The following LLGL2 variants were observed in gnomAD, a reference collection of about 807,000 sequenced individuals.
LLGL2 encodes LLGL scribble cell polarity complex component 2, also known as LLGL2, scribble cell polarity complex component.
LLGL2 carries 81 observed loss-of-function variants against 123.2 expected under a neutral mutation model. The observed-to-expected ratio is 0.66, with a 90% CI of 0.55 to 0.79. LLGL2 has a LOEUF of 0.79. LLGL2 is among the 30% of genes least tolerant of loss of function. LLGL2 has a pLI of 0.00. For synonymous variants in LLGL2, 577 were observed against 594.1 expected, an observed-to-expected ratio of 0.97 and a Z score of 0.42; for missense variants, 1,273 against 1,414.6, an observed-to-expected ratio of 0.90 and a Z score of 1.61.
In LLGL2 at chr17:75,570,156, C is replaced by T; in HGVS notation, c.1775C>T (p.Thr592Ile). The T allele has an allele frequency of 6.3e-7, 1 of 1,591,206 alleles. No individual in the cohort carries two copies. The highest frequency in any genetic ancestry group is 8.6e-7 in the Non-Finnish European group (1 of 1,169,580). ...LVQCQPPAVVTSLALHSEWRL... is the reference protein window; with the variant it reads ...LVQCQPPAVVISLALHSEWRL... ...CAGTGTCAGCCCCCGGCTGTGGTCA[C>T]CTCCTTGGCCCTGCACTCTGAGTGG... The change falls in exon 15 of 26, where the codon ACC becomes ATC. Residue 592 changes from threonine to isoleucine, a missense_variant. Coordinates refer to ENST00000392550, the MANE Select transcript of LLGL2 (RefSeq NM_001031803.2).
Position 75,558,483 on chromosome 17 carries a change from C to T in LLGL2, c.256-29C>T. ...AAAGGCCTTGCCTGGGTAGCAAGAC[C>T]ACATGATCCCGTCGTGTGCCCTCGC... On this transcript the variant is annotated intron_variant, in intron 4 of 25. Transcript: ENST00000392550. This position sits in a 1 kb window ranked among gnomAD's most constrained non-coding sequence, Gnocchi z 4.0. 1.9e-6 allele frequency: 3 copies of T among 1,544,668 alleles called. No homozygotes were observed. The highest frequency in any genetic ancestry group is 2.6e-6 in the Non-Finnish European group (3 of 1,138,496).
intron 21 of LLGL2, 130 bp downstream of exon 21, chr17:75,573,761 G>A (rs769628537): frequency 1.3e-4 from 159 of 1,224,760 alleles, no homozygotes; most frequent in Non-Finnish European, 8.4e-5. Flanking sequence ...CCCAGGCTCC[G>A]GCTCTCCTTG....
upstream of LLGL2, chr17:75,525,084 C>T (rs1238961159): frequency 2.0e-5 from 3 of 153,626 alleles, no homozygotes; most frequent in East Asian, 1.9e-4. This position sits in a 1 kb window ranked among gnomAD's most constrained non-coding sequence, Gnocchi z 4.8. Context: ...CGCGCCCTTT[C>T]CGCTCCCGCC....
At position 75,554,918 on chromosome 17, in the gene LLGL2, C is replaced by T. The variant is rs1028830409; in HGVS notation, c.76-1128C>T. ...AAAAAAAAAAATTTTTGGCTGGGTG[C>T]GGGTGGCTCACGCTTGTAATCCTAG... On this transcript the variant is annotated intron_variant, in intron 2 of 25. Transcript: ENST00000392550. 8.6e-5 allele frequency among the ~76,000 whole-genome samples: 12 copies of T among 139,988 alleles called. No homozygotes were observed. The East Asian group carries it at 1.6e-3, about 18-fold the overall frequency. The allele number at this position is 139,988 out of a possible 152,430, so 91.8% of individuals were successfully genotyped here.
chr17:75,563,139 A>G lies in LLGL2; in HGVS notation c.654A>G (p.Leu218=), dbSNP rs150850607. The G allele has an allele frequency of 8.9e-5, 143 of 1,613,042 alleles. No individual in the cohort carries two copies. The highest frequency in any genetic ancestry group is 1.2e-4 in the Non-Finnish European group (141 of 1,180,030). ...YSRGLVVIWD[L]QGSRVLYHFL... ...GAGGCCTCGTTGTCATCTGGGACCT[A>G]CAGGGCAGCCGCGTGCTCTACCACT... is the stretch of plus-strand genomic sequence containing the variant. Residue 218 remains leucine (L), a synonymous_variant, in exon 7 of 26, where the codon CTA becomes CTG. Coordinates refer to ENST00000392550, the MANE Select transcript of LLGL2 (RefSeq NM_001031803.2).
intron 1 of LLGL2, chr17:75,543,151 C>T (rs777663029): frequency 2.5e-4 from 74 of 297,216 alleles, no homozygotes; most frequent in Non-Finnish European, 4.1e-4. Flanking sequence ...GGCTTCCTCC[C>T]CCAGCTTTTC....
In LLGL2 at chr17:75,575,026, C is replaced by T. The variant is rs368103155; in HGVS notation, c.*148C>T. 6.1e-6 allele frequency: 7 copies of T among 1,139,622 alleles called. No individual in the cohort carries two copies. Among genetic ancestry groups the T allele is most frequent in the Admixed American group, 1.7e-5 (1 of 58,496 alleles). 70.6% of individuals were successfully genotyped at this position (1,139,622 alleles called of 1,614,324 possible). A position where few individuals can be genotyped will look rare whatever the true frequency, so the allele number is the denominator to read the frequency against. The stretch of plus-strand genomic sequence containing the variant: ...TCCACAATGCAGCTGCTCTGGGCCT[C>T]GGGAGAGGAGAGACCCCAGTCCCCT... On this transcript the variant is annotated 3_prime_UTR_variant, in exon 26 of 26. Coordinates refer to ENST00000392550, the MANE Select transcript of LLGL2 (RefSeq NM_001031803.2).
Position 75,564,241 on chromosome 17 carries a change from G to A in LLGL2, c.882-112G>A, listed in dbSNP as rs2055349853. ...AGCAGTTGGAAGGAGATGGGGTCCA[G>A]TCTCCCCTGCTCCTGGGGACCTTGA... On this transcript the variant is annotated intron_variant, in intron 9 of 25. Transcript: ENST00000392550. This position sits in a 1 kb window ranked among gnomAD's most constrained non-coding sequence, Gnocchi z 4.9. The A allele has an allele frequency of 2.0e-6, 3 of 1,507,260 alleles. No homozygotes were observed. The highest frequency in any genetic ancestry group is 2.8e-5 in the African/African-American group (2 of 72,412). 93.4% of individuals were successfully genotyped at this position (1,507,260 alleles called of 1,614,324 possible).
chr17:75,564,405 C>G lies in LLGL2; in HGVS notation c.934C>G (p.Arg312Gly), dbSNP rs750945305. Residue 312 changes from arginine (R) to glycine (G), a missense_variant, in exon 10 of 26, where the codon CGC becomes GGC. By Grantham distance (125) the Arg-to-Gly change is moderately radical. Transcript: ENST00000392550. This position sits in a 1 kb window ranked among gnomAD's most constrained non-coding sequence, Gnocchi z 4.9. ...CATGCCACGGGCCAGCTACGGGGACCGCCACTGCATCTCAGTGATCCACGA... is the reference window on the plus strand; with the variant it reads ...CATGCCACGGGCCAGCTACGGGGACGGCCACTGCATCTCAGTGATCCACGA... ...GGMPRASYGD[R>G]HCISVIHDGQ... 1 of 1,613,132 alleles carries G rather than the reference C, an allele frequency of 6.2e-7. No individual in the cohort carries two copies. The highest frequency in any genetic ancestry group is 8.5e-7 in the Non-Finnish European group (1 of 1,179,978).
intron 1 of LLGL2, among the ~76,000 whole-genome samples, chr17:75,539,873 T>C (rs566751216): frequency 6.6e-6 from 1 of 152,156 alleles, no homozygotes; most frequent in South Asian, 2.1e-4. Flanking sequence ...CCTCCCAGAG[T>C]GCTGGGATTA....
chr17:75,551,910 C>T (rs538447847), intron 2 of LLGL2, among the ~76,000 whole-genome samples: 4 of 152,348 alleles, frequency 2.6e-5, no homozygotes, highest in African/African-American at 9.6e-5. Context: ...GAGGAGATCA[C>T]TTGAAGTCAG....
In LLGL2 at chr17:75,568,664, A is replaced by T. The variant is rs1026508789; in HGVS notation, c.1225A>T (p.Ser409Cys). The T allele has an allele frequency of 9.3e-6, 15 of 1,613,958 alleles. No individual in the cohort carries two copies. The highest frequency in any genetic ancestry group is 1.2e-5 in the Non-Finnish European group (14 of 1,180,040). ...GTGGGAGCGGATCATTGCCGCCGGC[A>T]GCCGGCAGAACGCACACTTCTCCAC... ...KLWERIIAAG[S>C]RQNAHFSTME... The change falls in exon 11 of 26, where the codon AGC becomes TGC. Residue 409 changes from serine to cysteine, a missense_variant. Coordinates refer to ENST00000392550, the MANE Select transcript of LLGL2 (RefSeq NM_001031803.2).
At chr17:75,537,205 T>C (rs1192963941) in intron 1 of LLGL2, among the ~76,000 whole-genome samples, 1 of 152,038 alleles carries the variant, frequency 6.6e-6, no homozygotes, top group African/African-American at 2.4e-5. Flanking sequence ...GCCATTTAGG[T>C]TGCTTCTGAT....
At chr17:75,537,021 G>A (rs11870956) in intron 1 of LLGL2, among the ~76,000 whole-genome samples, 1 of 151,834 alleles carries the variant, frequency 6.6e-6, no homozygotes, top group Non-Finnish European at 1.5e-5. Context: ...CGGGGTTTTG[G>A]CATGTTGGCC....
Position 75,558,574 on chromosome 17 carries a change from C to T in LLGL2, c.318C>T (p.Gly106=), listed in dbSNP as rs763936036. 20 of 1,611,478 alleles carry T rather than the reference C, an allele frequency of 1.2e-5. No homozygotes were observed. In the East Asian group the frequency reaches 2.0e-4, roughly 16 times the overall value. The part of the protein sequence containing the change: ...SLHLWSLKVK[G]GASELQEDES... ...ACCTTTGGAGCCTGAAGGTCAAGGG[C>T]GGGGCATCGGAGCTGCAGGAGGATG... Residue 106 remains glycine (G), a synonymous_variant, in exon 5 of 26, where the codon GGC becomes GGT. Transcript: ENST00000392550. The surrounding 1 kb of genome is among the most constrained non-coding windows in gnomAD (Gnocchi z 4.0).
chr17:75,549,917 T>C lies in LLGL2; in HGVS notation c.76-6129T>C, dbSNP rs534948463. On this transcript the variant is annotated intron_variant, in intron 2 of 25. Coordinates refer to ENST00000392550, the MANE Select transcript of LLGL2 (RefSeq NM_001031803.2). This position sits in a 1 kb window ranked among gnomAD's most constrained non-coding sequence, Gnocchi z 4.0. ...ACGGGCCTTCTCCCCTACTCCAGGCTAACGTTGCAGTCTGGCGGCTTCTGC... is the reference window on the plus strand; with the variant it reads ...ACGGGCCTTCTCCCCTACTCCAGGCCAACGTTGCAGTCTGGCGGCTTCTGC... Among the ~76,000 whole-genome samples the C allele has an allele frequency of 6.6e-6, 1 of 152,376 alleles. No homozygotes were observed. Among genetic ancestry groups the C allele is most frequent in the African/African-American group, 2.4e-5 (1 of 41,592 alleles).
intron 16 of LLGL2, 105 bp from the exon 17 acceptor site, chr17:75,570,844 GC>G (rs1445016747): frequency 1.2e-5 from 17 of 1,409,900 alleles, no homozygotes; most frequent in Non-Finnish European, 1.5e-5. Context: ...CAGGTGGCTG[GC>G]ATGGCTGTGG....
intron 1 of LLGL2, chr17:75,538,392 CCTCT>C (rs1369837433): frequency 6.6e-6 from 1 of 152,194 alleles, no homozygotes; most frequent in African/African-American, 2.4e-5. Flanking sequence ...AACATAGAAG[CCTCT>C]CTCATCTTGA....
chr17:75,553,325 G>T (rs1454907673), intron 2 of LLGL2, among the ~76,000 whole-genome samples: 1 of 152,112 alleles, frequency 6.6e-6, no homozygotes, highest in Non-Finnish European at 1.5e-5. Flanking sequence ...GGCACCCCCC[G>T]TCTCCCCCGA....
Sources: gnomAD v4.1 joint callset for allele counts (sites outside exome capture counted in the v4.1 genomes callset) on GRCh38, gnomAD v4.1.1 for gene constraint, Gnocchi (gnomAD v3.1) non-coding constraint, MANE v1.5 for transcripts, NCBI Gene and HGNC (gene_info 2026-07-23, HGNC 2026-07-21) for gene names.